Variants in VPS13D observed in about 807,000 individuals in gnomAD.
The protein encoded by VPS13D is intermembrane lipid transfer protein VPS13D.
In VPS13D, 187 loss-of-function variants were observed where a neutral mutation model predicts 461.9. That is an observed-to-expected ratio of 0.40 (90% CI 0.36 to 0.46). The LOEUF (loss-of-function observed/expected upper bound fraction) is 0.46, where lower values mean the gene tolerates loss of function less well. Among genes scored for constraint, VPS13D ranks in the 20% least tolerant of loss-of-function variants. The pLI is 0.60. For missense variants in VPS13D, 4,711 were observed against 5,364.9 expected, an observed-to-expected ratio of 0.88 and a Z score of 3.81; for synonymous variants, 1,951 against 1,986.3, an observed-to-expected ratio of 0.98 and a Z score of 0.47.
chr1:12,454,240 AAGTTTGGT>A (rs1470777206), intron 65 of VPS13D, among the ~76,000 whole-genome samples: 2 of 152,172 alleles, frequency 1.3e-5, no homozygotes, highest in Non-Finnish European at 2.9e-5. Flanking sequence ...GGGAGGACTG[AAGTTTGGT>A]CAGATGCCCC....
chr1:12,334,001 G>A (rs950954575), intron 38 of VPS13D, among the ~76,000 whole-genome samples: 4 of 152,154 alleles, frequency 2.6e-5, no homozygotes, highest in African/African-American at 4.8e-5. Context: ...TTCATTGTTT[G>A]ATTTATTGAT....
At chr1:12,264,800 A>G (rs2101305329) in intron 13 of VPS13D, among the ~76,000 whole-genome samples, 1 of 152,372 alleles carries the variant, frequency 6.6e-6, no homozygotes, top group South Asian at 2.1e-4. Flanking sequence ...GCTATGCTAA[A>G]TGATAGATTT....
chr1:12,360,218 C>CT (rs1643928818), intron 50 of VPS13D, among the ~76,000 whole-genome samples: 1 of 152,164 alleles, frequency 6.6e-6, no homozygotes, highest in Non-Finnish European at 1.5e-5. Context: ...TAAGATAGGA[C>CT]TTTATCATTC....
In VPS13D at chr1:12,349,184, A is replaced by C; in HGVS notation, c.9241A>C (p.Ile3081Leu). The C allele has an allele frequency of 6.2e-7, 1 of 1,613,872 alleles. No homozygotes were observed. The highest frequency in any genetic ancestry group is 8.5e-7 in the Non-Finnish European group (1 of 1,180,030). ...APDKPVVLPA[I>L]MPGDSFAVPL... is the part of the protein sequence containing the mutation. ...GGCAGAGCCAGTGGTGCTTCCTGCTATCATGCCAGGGGATTCGTTTGCTGT... is the reference window on the plus strand; with the variant it reads ...GGCAGAGCCAGTGGTGCTTCCTGCTCTCATGCCAGGGGATTCGTTTGCTGT... The change falls in exon 46 of 70, where the codon ATC becomes CTC. Residue 3081 changes from isoleucine (I) to leucine (L), a missense_variant. Around this residue, in one of 3 missense-constraint regions of VPS13D, gnomAD observed 4,411 missense variants for 4,937.8 expected, o/e 0.89. Transcript: ENST00000620676.
Position 12,318,051 on chromosome 1 carries a change from TCTC to T in VPS13D, c.7149-18_7149-16del, listed in dbSNP as rs780107197. 3.8e-6 allele frequency: 6 copies of T among 1,583,696 alleles called. No individual in the cohort carries two copies. The African/African-American group carries it at 8.1e-5, about 22-fold the overall frequency. On this transcript the variant is annotated intron_variant, in intron 30 of 69. Coordinates refer to ENST00000620676, the MANE Select transcript of VPS13D (RefSeq NM_015378.4). ...CATGTTTCTTTTTTCCTATTTATTT[TCTC>T]CTGTCTTCTTTTTATAGATCTACCA...
intron 68 of VPS13D, among the ~76,000 whole-genome samples, chr1:12,500,509 G>A (rs1012073767): frequency 6.6e-5 from 10 of 152,024 alleles, no homozygotes; most frequent in African/African-American, 2.4e-4. Flanking sequence ...CTGGTGAGCA[G>A]TAGGGTGGCT....
intron 47 of VPS13D, among the ~76,000 whole-genome samples, chr1:12,354,524 AC>A (rs955041430): frequency 6.6e-6 from 1 of 152,008 alleles, no homozygotes; most frequent in Non-Finnish European, 1.5e-5. Flanking sequence ...ACAAAGTAAG[AC>A]CCTGTCTCTT....
intron 67 of VPS13D, among the ~76,000 whole-genome samples, chr1:12,488,980 T>C (rs148515971): frequency 3.3e-5 from 5 of 152,358 alleles, no homozygotes; most frequent in African/African-American, 9.6e-5. Context: ...AACCACTTTA[T>C]AGGTTGTCTA....
intron 60 of VPS13D, among the ~76,000 whole-genome samples, chr1:12,392,415 G>C (rs370219228): frequency 6.6e-6 from 1 of 151,454 alleles, no homozygotes; most frequent in East Asian, 2.0e-4. Flanking sequence ...GGAGGTGGAG[G>C]TTGCAGTGAG....
rs1019452122 is a variant in VPS13D at position 12,507,900 on chromosome 1, G to A, written c.13035+807G>A. Among the ~76,000 whole-genome samples the A allele has an allele frequency of 2.6e-5, 4 of 152,356 alleles. No individual in the cohort carries two copies. The highest frequency in any genetic ancestry group is 2.9e-5 in the Non-Finnish European group (2 of 68,030). Reference sequence around the variant, plus strand: ...CTGCTCATTCTCACCCGGCATACCCGGATTTTGAAGCTTGCATTCAAGAAT... The same window carrying A: ...CTGCTCATTCTCACCCGGCATACCCAGATTTTGAAGCTTGCATTCAAGAAT... On this transcript the variant is annotated intron_variant, in intron 69 of 69. Coordinates refer to ENST00000620676, the MANE Select transcript of VPS13D (RefSeq NM_015378.4). This position sits in a 1 kb window ranked among gnomAD's most constrained non-coding sequence, Gnocchi z 5.3.
At chr1:12,419,562 C>T (rs184729914) in intron 65 of VPS13D, among the ~76,000 whole-genome samples, 2 of 152,134 alleles carry the variant, frequency 1.3e-5, no homozygotes, top group African/African-American at 2.4e-5. Context: ...TCTCACATGG[C>T]AGGAGTGGGA....
At chr1:12,365,815 C>A (rs1644027266) in intron 52 of VPS13D, among the ~76,000 whole-genome samples, 1 of 152,080 alleles carries the variant, frequency 6.6e-6, no homozygotes. Context: ...ACTTTATGGT[C>A]AGCTCTCTAT....
intron 2 of VPS13D, among the ~76,000 whole-genome samples, chr1:12,239,712 C>T (rs370519225): frequency 9.2e-5 from 14 of 152,102 alleles, no homozygotes; most frequent in East Asian, 5.8e-4. Flanking sequence ...CCTGGAGCAG[C>T]GGGAAGAGAG....
intron 63 of VPS13D, among the ~76,000 whole-genome samples, chr1:12,411,460 C>G (rs1268744891): frequency 7.1e-6 from 1 of 140,378 alleles, no homozygotes. Context: ...TAGGGAGACC[C>G]TGTCTCTACA....
intron 67 of VPS13D, among the ~76,000 whole-genome samples, chr1:12,470,885 T>A (rs1246732121): frequency 1.3e-5 from 2 of 152,348 alleles, no homozygotes; most frequent in East Asian, 3.9e-4. Context: ...TACAGCTCCT[T>A]GAAAACAAAT....
rs79083354 is a variant in VPS13D at position 12,445,569 on chromosome 1, C to T, written c.12334-10429C>T. On this transcript the variant is annotated intron_variant, in intron 65 of 69. Coordinates refer to ENST00000620676, the MANE Select transcript of VPS13D (RefSeq NM_015378.4). ...TGAGAGATAGCAAAGGTTGGAATGA[C>T]GACTGAAAGGCCACTGAGGAATCCA... 7.7e-3 allele frequency among the ~76,000 whole-genome samples: 1,176 copies of T among 152,214 alleles called. 12 individuals are homozygous for T. The highest frequency in any genetic ancestry group is 0.026 in the African/African-American group (1,078 of 41,498).
chr1:12,295,800 G>A (rs921261469), intron 24 of VPS13D, among the ~76,000 whole-genome samples: 1 of 152,200 alleles, frequency 6.6e-6, no homozygotes, highest in African/African-American at 2.4e-5. Context: ...GCCTGCATAT[G>A]CTGTGTTCCT....
At position 12,473,743 on chromosome 1, in the gene VPS13D, C is replaced by G. The variant is rs1645593611; in HGVS notation, c.12662+13347C>G. 6.6e-6 allele frequency among the ~76,000 whole-genome samples: 1 copy of G among 152,146 alleles called. No homozygotes were observed. Among genetic ancestry groups the G allele is most frequent in the South Asian group, 2.1e-4 (1 of 4,824 alleles). ...TCTTACTTAAATTCAACCCTGTCCC[C>G]GAATTCTTGCTGACCACCTGCTAGA... is the stretch of plus-strand genomic sequence containing the variant. On this transcript the variant is annotated intron_variant, in intron 67 of 69. Transcript: ENST00000620676. This position sits in a 1 kb window ranked among gnomAD's most constrained non-coding sequence, Gnocchi z 4.2.
At chr1:12,333,436 A>C (rs1643379209) in intron 38 of VPS13D, 70 bp downstream of exon 38, 1 of 1,574,222 alleles carries the variant, frequency 6.4e-7, no homozygotes, top group Non-Finnish European at 8.6e-7. Context: ...GAAGACTATT[A>C]ATCCTGGTTT....
Sources: gnomAD v4.1 joint callset for allele counts (sites outside exome capture counted in the v4.1 genomes callset) on GRCh38, gnomAD v4.1.1 for gene constraint, gnomAD v4.1.1 regional missense constraint, Gnocchi (gnomAD v3.1) non-coding constraint, MANE v1.5 for transcripts, NCBI Gene and HGNC (gene_info 2026-07-23, HGNC 2026-07-21) for gene names.